THSD4: variants seen among roughly 807,000 people sequenced by gnomAD.
THSD4 encodes thrombospondin type 1 domain containing 4.
Under a neutral mutation model 119.0 loss-of-function variants are expected in THSD4, and 69 were observed. The ratio of observed to expected loss-of-function variants is 0.58; its 90% confidence interval spans 0.48 to 0.71. The LOEUF is 0.71. Among genes scored for constraint, THSD4 ranks in the 30% least tolerant of loss-of-function variants. The pLI is 0.00. For missense variants in THSD4, 1,393 were observed against 1,391.1 expected, an observed-to-expected ratio of 1.00 and a Z score of -0.02; for synonymous variants, 524 against 540.4, an observed-to-expected ratio of 0.97 and a Z score of 0.42.
intron 7 of THSD4, among the ~76,000 whole-genome samples, chr15:71,634,284 T>G (rs1255600955): frequency 3.9e-5 from 6 of 152,200 alleles, no homozygotes; most frequent in Non-Finnish European, 8.8e-5. Flanking sequence ...AGTAAAGCAG[T>G]TAGCAGAGTA....
In THSD4 at chr15:71,583,479, T is replaced by C. The variant is rs1316510144; in HGVS notation, c.1153-77051T>C. On this transcript the variant is annotated intron_variant, in intron 7 of 17. Transcript: ENST00000261862. ...CTTTGTTTTTTTTTTCCTAGTTCTTTGAGGAGCTAAAGTTTCTAAAGTTAC... is the reference window on the plus strand; with the variant it reads ...CTTTGTTTTTTTTTTCCTAGTTCTTCGAGGAGCTAAAGTTTCTAAAGTTAC... 2.0e-5 allele frequency among the ~76,000 whole-genome samples: 3 copies of C among 151,978 alleles called. No individual in the cohort carries two copies. In the East Asian group the frequency reaches 5.8e-4, roughly 29 times the overall value.
chr15:71,350,956 C>T (rs955751124), intron 6 of THSD4, among the ~76,000 whole-genome samples: 1 of 152,128 alleles, frequency 6.6e-6, no homozygotes, highest in Non-Finnish European at 1.5e-5. Flanking sequence ...CACTCAGGTC[C>T]CTGTGTTCAA....
chr15:71,509,197 T>C (rs1415655943), intron 7 of THSD4, among the ~76,000 whole-genome samples: 1 of 152,168 alleles, frequency 6.6e-6, no homozygotes, highest in Non-Finnish European at 1.5e-5. Context: ...AAGGCCTACC[T>C]CCAGAATGAA....
chr15:71,775,086 C>T (rs1054552019), intron 17 of THSD4, among the ~76,000 whole-genome samples: 2 of 151,706 alleles, frequency 1.3e-5, no homozygotes, highest in South Asian at 2.1e-4. Context: ...GCGGAGGTTG[C>T]GGTGAGCCGA....
intron 7 of THSD4, among the ~76,000 whole-genome samples, chr15:71,481,556 G>T (rs2047729874): frequency 6.6e-6 from 1 of 152,194 alleles, no homozygotes; most frequent in African/African-American, 2.4e-5. Flanking sequence ...ATGGAGAAGA[G>T]AAGACCTTCT....
chr15:71,698,297 A>T (rs770787743), intron 8 of THSD4, among the ~76,000 whole-genome samples: 2 of 152,192 alleles, frequency 1.3e-5, no homozygotes, highest in Non-Finnish European at 2.9e-5. Flanking sequence ...GAGAAGAATA[A>T]ACTCTATTAG....
At chr15:71,666,666 C>T (rs2051423420) in intron 8 of THSD4, among the ~76,000 whole-genome samples, 1 of 152,148 alleles carries the variant, frequency 6.6e-6, no homozygotes, top group African/African-American at 2.4e-5. Flanking sequence ...ATGCTTTAGA[C>T]TTACTAAAAC....
intron 8 of THSD4, among the ~76,000 whole-genome samples, chr15:71,693,472 C>A (rs559444098): frequency 2.0e-5 from 3 of 152,270 alleles, no homozygotes; most frequent in South Asian, 4.1e-4. Context: ...CATGATGAAA[C>A]CTGGTCTGTA....
intron 8 of THSD4, among the ~76,000 whole-genome samples, chr15:71,694,654 G>A (rs756441256): frequency 6.6e-6 from 1 of 152,140 alleles, no homozygotes; most frequent in Non-Finnish European, 1.5e-5. Flanking sequence ...GAAATCCAGC[G>A]ATTGCTGCCC....
intron 8 of THSD4, among the ~76,000 whole-genome samples, chr15:71,682,735 T>C (rs2051810489): frequency 6.6e-6 from 1 of 152,140 alleles, no homozygotes; most frequent in African/African-American, 2.4e-5. Flanking sequence ...GTCACATACT[T>C]ACCATTTATT....
At chr15:71,408,778 G>C (rs1409081633) in intron 6 of THSD4, among the ~76,000 whole-genome samples, 2 of 152,076 alleles carry the variant, frequency 1.3e-5, no homozygotes, top group Admixed American at 1.3e-4. Flanking sequence ...CTTGAGCCTG[G>C]GAGGTCAAGG....
At chr15:71,111,637 T>C, upstream of THSD4, 1 of 579,826 alleles carries the variant, frequency 1.7e-6, no homozygotes. Flanking sequence ...ACCAGGAAAA[T>C]GAAAGGAACA....
intron 3 of THSD4, among the ~76,000 whole-genome samples, chr15:71,159,793 A>G (rs2043234421): frequency 6.6e-6 from 1 of 151,912 alleles, no homozygotes; most frequent in Admixed American, 6.6e-5. Context: ...CTCTTGCCTA[A>G]TTGCTCTGGC....
intron 4 of THSD4, 116 bp from the exon 5 acceptor site, chr15:71,242,533 A>T: frequency 9.1e-7 from 1 of 1,103,424 alleles, no homozygotes; most frequent in Non-Finnish European, 1.3e-6. Flanking sequence ...TCTACCATAG[A>T]CCCTTTCCCA....
At chr15:71,473,957 C>T (rs1317775965) in intron 7 of THSD4, among the ~76,000 whole-genome samples, 1 of 152,144 alleles carries the variant, frequency 6.6e-6, no homozygotes, top group Non-Finnish European at 1.5e-5. Flanking sequence ...CAAAGCATCC[C>T]GGGATCTCAC....
intron 7 of THSD4, among the ~76,000 whole-genome samples, chr15:71,484,828 T>C (rs1204920868): frequency 6.6e-6 from 1 of 152,064 alleles, no homozygotes; most frequent in Non-Finnish European, 1.5e-5. Context: ...CCCCTCCAAA[T>C]CATTTAGAGG....
In THSD4 at chr15:71,442,666, A is replaced by ATGTATGTG. The variant is rs1247659643; in HGVS notation, c.1152+30844_1152+30845insGTATGTGT. Reference sequence around the variant, plus strand: ...TATATGTGTGTGTGTGTGTGTATATATATATATATATATATATATATATAT... The same window carrying ATGTATGTG: ...TATATGTGTGTGTGTGTGTGTATATATGTATGTGTATATATATATATATATATATATAT... On this transcript the variant is annotated intron_variant, in intron 7 of 17. Transcript: ENST00000261862. Among the ~76,000 whole-genome samples, 46 of 30,778 alleles carry ATGTATGTG rather than the reference A, an allele frequency of 1.5e-3. 2 individuals carry two copies. Among genetic ancestry groups the ATGTATGTG allele is most frequent in the Non-Finnish European group, 2.4e-3 (39 of 16,096 alleles). 20.2% of individuals were successfully genotyped at this position (30,778 alleles called of 152,430 possible).
At chr15:71,169,228 A>T (rs1010097139) in intron 3 of THSD4, among the ~76,000 whole-genome samples, 11 of 152,236 alleles carry the variant, frequency 7.2e-5, no homozygotes, top group African/African-American at 2.7e-4. Flanking sequence ...GGTAACTACA[A>T]ATTAAAATCT....
At chr15:71,771,612 A>G (rs941039960) in intron 17 of THSD4, among the ~76,000 whole-genome samples, 16 of 152,118 alleles carry the variant, frequency 1.1e-4, no homozygotes, top group African/African-American at 3.6e-4. Context: ...GGAGGCCAAG[A>G]ATTGGTAGAG....
Sources: allele counts gnomAD v4.1 joint callset (sites outside exome capture counted in the v4.1 genomes callset), GRCh38; gene constraint gnomAD v4.1.1; transcripts MANE v1.5; gene names NCBI Gene and HGNC (gene_info 2026-07-23, HGNC 2026-07-21).